Variants in PTPRM observed in about 807,000 individuals in gnomAD.
PTPRM encodes the protein protein tyrosine phosphatase receptor type M, also known as receptor-type tyrosine-protein phosphatase mu.
Under a neutral mutation model 186.7 loss-of-function variants are expected in PTPRM, and 47 were observed. That is an observed-to-expected ratio of 0.25 (90% confidence interval 0.20 to 0.32). The LOEUF (loss-of-function observed/expected upper bound fraction) is 0.32. Among genes scored for constraint, PTPRM ranks in the 10% least tolerant of loss-of-function variants. The pLI is 1.00. For synonymous variants in PTPRM, 668 were observed against 674.9 expected (o/e 0.99, Z 0.16); for missense variants, 1,494 against 1,865.0 (o/e 0.80, Z 3.66).
chr18:7,725,048 G>A (rs1401875255), intron 1 of PTPRM, among the ~76,000 whole-genome samples: 1 of 152,106 alleles, frequency 6.6e-6, no homozygotes, highest in African/African-American at 2.4e-5. Flanking sequence ...TCCTGAATTG[G>A]CAGAGACAAA....
intron 14 of PTPRM, among the ~76,000 whole-genome samples, chr18:8,177,382 GC>G (rs1444952274): frequency 6.6e-6 from 1 of 152,198 alleles, no homozygotes; most frequent in Non-Finnish European, 1.5e-5. Flanking sequence ...AAATCTGGCA[GC>G]CCTCAGAACC....
At chr18:7,702,813 T>C (rs914265756) in intron 1 of PTPRM, among the ~76,000 whole-genome samples, 1 of 152,222 alleles carries the variant, frequency 6.6e-6, no homozygotes, top group Non-Finnish European at 1.5e-5. Context: ...CTTCTAGGGT[T>C]TTTATGGTTT....
intron 1 of PTPRM, among the ~76,000 whole-genome samples, chr18:7,741,071 G>T (rs144330402): frequency 3.3e-5 from 5 of 152,226 alleles, no homozygotes; most frequent in African/African-American, 1.2e-4. Context: ...TAAATTCTTG[G>T]AGCTTAGCTG....
chr18:8,192,750 T>C (rs1038649214), intron 14 of PTPRM, among the ~76,000 whole-genome samples: 12 of 152,186 alleles, frequency 7.9e-5, no homozygotes, highest in African/African-American at 2.7e-4. Flanking sequence ...ATAATAAGAA[T>C]TGTCAGTGTT....
chr18:7,723,236 C>T (rs2040482669), intron 1 of PTPRM, among the ~76,000 whole-genome samples: 1 of 152,144 alleles, frequency 6.6e-6, no homozygotes, highest in Admixed American at 6.5e-5. Context: ...ATTCCCAGCG[C>T]TGCTGGTATT....
chr18:7,769,909 G>A (rs1325243450), intron 1 of PTPRM, among the ~76,000 whole-genome samples: 1 of 152,164 alleles, frequency 6.6e-6, no homozygotes, highest in Admixed American at 6.5e-5. Flanking sequence ...GAGAGAAAAA[G>A]AGAGAGAATG....
intron 14 of PTPRM, among the ~76,000 whole-genome samples, chr18:8,209,988 TTAAAAAAAAAA>T (rs2093980727): frequency 2.5e-5 from 1 of 39,372 alleles, no homozygotes; most frequent in Non-Finnish European, 5.5e-5. Flanking sequence ...TGAAGTAAAA[TTAAAAAAAAAA>T]AAAAAAAAAA....
chr18:7,989,350 A>T (rs149443913), intron 7 of PTPRM, among the ~76,000 whole-genome samples: 1 of 152,172 alleles, frequency 6.6e-6, no homozygotes, highest in Non-Finnish European at 1.5e-5. Context: ...TATTGCTATT[A>T]TTAGCCCCAA....
intron 1 of PTPRM, among the ~76,000 whole-genome samples, chr18:7,649,717 T>TC (rs2038650352): frequency 6.6e-6 from 1 of 151,752 alleles, no homozygotes; most frequent in Non-Finnish European, 1.5e-5. Flanking sequence ...AGAGTGAGAC[T>TC]CCATCTTAAA....
intron 1 of PTPRM, among the ~76,000 whole-genome samples, chr18:7,634,699 C>T (rs766357297): frequency 3.9e-5 from 6 of 152,168 alleles, no homozygotes; most frequent in African/African-American, 7.2e-5. Flanking sequence ...AAATCCTTGA[C>T]GATGGATTTC....
At chr18:8,397,506 TAATAC>T (rs1427334320) in intron 32 of PTPRM, among the ~76,000 whole-genome samples, 1 of 152,254 alleles carries the variant, frequency 6.6e-6, no homozygotes, top group African/African-American at 2.4e-5. Flanking sequence ...AAATAGTTTC[TAATAC>T]AAGACTAGAT....
chr18:8,223,675 C>T (rs1214615416), intron 14 of PTPRM, among the ~76,000 whole-genome samples: 1 of 152,180 alleles, frequency 6.6e-6, no homozygotes, highest in African/African-American at 2.4e-5. Flanking sequence ...CTCAGTTTTG[C>T]TGTCCTCTCC....
rs1250899728 is a variant in PTPRM at position 7,807,113 on chromosome 18, T to C, written c.196+32842T>C. Among the ~76,000 whole-genome samples, 3 of 152,332 alleles carry C rather than the reference T, an allele frequency of 2.0e-5. No homozygotes were observed. The South Asian group carries it at 6.2e-4, about 32-fold the overall frequency. On this transcript the variant is annotated intron_variant, in intron 2 of 32. Coordinates refer to ENST00000580170, the MANE Select transcript of PTPRM (RefSeq NM_001105244.2). ...ATTTTCATTTTGTATCCTAGATTTT[T>C]CTCCTATGCTAGACCTGGGTCTGCT...
At chr18:7,842,828 G>GTATA (rs199719406) in intron 2 of PTPRM, among the ~76,000 whole-genome samples, 2,684 of 73,742 alleles carry the variant, frequency 0.036, 45 homozygotes, top group South Asian at 0.094. Flanking sequence ...ATATATATAT[G>GTATA]TATATATATA....
intron 26 of PTPRM, chr18:8,377,576 AT>A (rs2095704739): frequency 6.6e-6 from 1 of 152,216 alleles, no homozygotes; most frequent in Non-Finnish European, 1.5e-5. Flanking sequence ...TTGAAAAAAA[AT>A]AATTAAAGGT....
chr18:7,865,380 G>C (rs539050357), intron 2 of PTPRM, among the ~76,000 whole-genome samples: 2 of 152,230 alleles, frequency 1.3e-5, no homozygotes, highest in African/African-American at 4.8e-5. Flanking sequence ...AGTTTATTGA[G>C]AGTTTTTAGC....
intron 14 of PTPRM, among the ~76,000 whole-genome samples, chr18:8,160,486 G>A (rs2146335069): frequency 6.6e-6 from 1 of 152,102 alleles, no homozygotes; most frequent in East Asian, 1.9e-4. Context: ...GTAGAGACAG[G>A]GTGTTGCCAT....
intron 1 of PTPRM, among the ~76,000 whole-genome samples, chr18:7,649,950 C>T (rs769799750): frequency 1.3e-5 from 2 of 151,960 alleles, no homozygotes; most frequent in Non-Finnish European, 2.9e-5. Flanking sequence ...TTTTTAAAGA[C>T]ATAATGCTAT....
At chr18:8,191,634 A>AAC (rs1351455534) in intron 14 of PTPRM, among the ~76,000 whole-genome samples, 4 of 152,046 alleles carry the variant, frequency 2.6e-5, no homozygotes, top group East Asian at 1.9e-4. Context: ...ACATCCCCCC[A>AAC]ACACACACAC....
Sources: gnomAD v4.1 joint callset for allele counts (sites outside exome capture counted in the v4.1 genomes callset) on GRCh38, gnomAD v4.1.1 for gene constraint, MANE v1.5 for transcripts, NCBI Gene and HGNC (gene_info 2026-07-23, HGNC 2026-07-21) for gene names.